The following ASIC5 variants were observed in gnomAD, a reference collection of about 807,000 sequenced individuals.
ASIC5 encodes the protein bile acid-sensitive ion channel.
Under a neutral mutation model 51.2 loss-of-function variants are expected in ASIC5, and 52 were observed. That is an observed-to-expected ratio of 1.02 (90% CI 0.81 to 1.28). ASIC5 has a LOEUF of 1.28. ASIC5 is among the 50% of genes most tolerant of loss of function. ASIC5 has a pLI of 0.00. For synonymous variants in ASIC5, 231 were observed against 200.7 expected (o/e 1.15, Z -1.28); for missense variants, 635 against 595.0 (o/e 1.07, Z -0.70).
chr4:155,844,922 T>C (rs756271815), intron 4 of ASIC5, among the ~76,000 whole-genome samples: 20 of 152,000 alleles, frequency 1.3e-4, no homozygotes, highest in Non-Finnish European at 2.1e-4. Flanking sequence ...CTGTGCCAGG[T>C]AGCTGCAACA....
At chr4:155,831,336 G>A (rs894222029) in intron 9 of ASIC5, among the ~76,000 whole-genome samples, 15 of 152,136 alleles carry the variant, frequency 9.9e-5, no homozygotes, top group Non-Finnish European at 1.8e-4. Context: ...GTCCATGTGA[G>A]GTTGTACAGT....
intron 3 of ASIC5, among the ~76,000 whole-genome samples, chr4:155,853,086 A>T (rs1340248657): frequency 6.6e-6 from 1 of 152,078 alleles, no homozygotes; most frequent in East Asian, 1.9e-4. Flanking sequence ...CCAATTCATT[A>T]CTTTTAGTCT....
chr4:155,860,310 C>T (rs1228580273), intron 2 of ASIC5, among the ~76,000 whole-genome samples: 2 of 151,584 alleles, frequency 1.3e-5, no homozygotes, highest in Non-Finnish European at 2.9e-5. Flanking sequence ...TTTTCACCTC[C>T]TAAAAATAAT....
At chr4:155,857,090 T>C (rs1741561520) in intron 2 of ASIC5, among the ~76,000 whole-genome samples, 1 of 152,090 alleles carries the variant, frequency 6.6e-6, no homozygotes, top group Admixed American at 6.6e-5. Flanking sequence ...TTGTTTTGCA[T>C]AAAACAAAAG....
At chr4:155,836,636 A>AT in intron 8 of ASIC5, 53 bp downstream of exon 8, 1 of 839,746 alleles carries the variant, frequency 1.2e-6, no homozygotes, top group Non-Finnish European at 1.7e-6. Context: ...TTTTCAATAA[A>AT]GAAAAAAAAA....
chr4:155,855,628 A>G (rs943478318), intron 2 of ASIC5, among the ~76,000 whole-genome samples: 17 of 151,440 alleles, frequency 1.1e-4, no homozygotes, highest in Non-Finnish European at 2.2e-4. Context: ...TGTGGTTTGT[A>G]TGTCATACCT....
At chr4:155,838,114 C>T (rs1741028830) in intron 7 of ASIC5, among the ~76,000 whole-genome samples, 1 of 152,122 alleles carries the variant, frequency 6.6e-6, no homozygotes, top group African/African-American at 2.4e-5. Context: ...AAATCTATTC[C>T]TGCTACCCTG....
rs1740833259 is a variant in ASIC5 at position 155,829,824 on chromosome 4, T to A, written c.*32A>T. ...AGTCAAGATAAATCTGAAGGTATCA[T>A]GAAAAGGAAACTATTTTATTCTAAG... On this transcript the variant is annotated 3_prime_UTR_variant, in exon 10 of 10. Coordinates refer to ENST00000537611, the MANE Select transcript of ASIC5 (RefSeq NM_017419.3). 1 of 1,377,584 alleles carries A rather than the reference T, an allele frequency of 7.3e-7. No individual in the cohort carries two copies. Among genetic ancestry groups the A allele is most frequent in the Non-Finnish European group, 9.7e-7 (1 of 1,025,658 alleles). The allele number at this position is 1,377,584 out of a possible 1,614,324, so 85.3% of individuals were successfully genotyped here. A position where few individuals can be genotyped will look rare whatever the true frequency, so the allele number is the denominator to read the frequency against.
chr4:155,838,997 C>T (rs1241492491), intron 6 of ASIC5, 128 bp from the exon 7 acceptor site: 1 of 581,940 alleles, frequency 1.7e-6, no homozygotes, highest in Non-Finnish European at 3.1e-6. Context: ...TCTATATGAA[C>T]ATCTATTCTT....
At chr4:155,846,628 C>T (rs1741249742) in intron 4 of ASIC5, among the ~76,000 whole-genome samples, 1 of 152,042 alleles carries the variant, frequency 6.6e-6, no homozygotes, top group South Asian at 2.1e-4. Flanking sequence ...TTTTTCACTG[C>T]CTCAGTTTTA....
chr4:155,835,593 T>A (rs1051340656), intron 8 of ASIC5, among the ~76,000 whole-genome samples: 1 of 152,166 alleles, frequency 6.6e-6, no homozygotes, highest in African/African-American at 2.4e-5. Context: ...CTCTTCTAAG[T>A]CATATTTAAA....
intron 4 of ASIC5, among the ~76,000 whole-genome samples, chr4:155,848,866 A>G (rs1741315860): frequency 6.6e-6 from 1 of 152,048 alleles, no homozygotes; most frequent in Non-Finnish European, 1.5e-5. Flanking sequence ...ATGTTTGCTG[A>G]TCCTTTGTTT....
At chr4:155,850,951 G>T (rs182289084) in intron 4 of ASIC5, among the ~76,000 whole-genome samples, 2 of 151,854 alleles carry the variant, frequency 1.3e-5, no homozygotes, top group East Asian at 3.9e-4. Context: ...AAAGAATATC[G>T]TCTATGAATG....
At chr4:155,861,155 T>G (rs1741693379) in intron 2 of ASIC5, among the ~76,000 whole-genome samples, 1 of 152,014 alleles carries the variant, frequency 6.6e-6, no homozygotes, top group African/African-American at 2.4e-5. Context: ...TACTTTACCT[T>G]GTATATGGCC....
chr4:155,849,150 T>C (rs1273104689), intron 4 of ASIC5, among the ~76,000 whole-genome samples: 1 of 152,092 alleles, frequency 6.6e-6, no homozygotes, highest in African/African-American at 2.4e-5. Context: ...ACTTGGCTTA[T>C]GAAACCAATA....
intron 2 of ASIC5, 100 bp from the exon 3 acceptor site, chr4:155,854,414 C>CAA: frequency 1.2e-6 from 1 of 843,174 alleles, no homozygotes; most frequent in Non-Finnish European, 1.9e-6. Context: ...CTTCTTATCT[C>CAA]CCACACTCTC....
At chr4:155,830,102 T>C in intron 9 of ASIC5, 56 bp from the exon 10 acceptor site, 1 of 1,275,348 alleles carries the variant, frequency 7.8e-7, no homozygotes, top group South Asian at 1.6e-5. Flanking sequence ...AAACAAATAT[T>C]ATTAGAAGTT....
At chr4:155,836,623 G>C (rs536816906) in intron 8 of ASIC5, 66 bp downstream of exon 8, 1 of 927,884 alleles carries the variant, frequency 1.1e-6, no homozygotes, top group East Asian at 2.6e-5. Flanking sequence ...GAGTCTTTGA[G>C]GGTTTTCAAT....
chr4:155,836,886 AGAG>A, intron 7 of ASIC5, 29 bp from the exon 8 acceptor site: 1 of 1,502,760 alleles, frequency 6.7e-7, no homozygotes, highest in Non-Finnish European at 9.1e-7. Flanking sequence ...CAGGGAATTC[AGAG>A]AAGAGAAATA....
Sources: gnomAD v4.1 joint callset for allele counts (sites outside exome capture counted in the v4.1 genomes callset) on GRCh38, gnomAD v4.1.1 for gene constraint, MANE v1.5 for transcripts, NCBI Gene and HGNC (gene_info 2026-07-23, HGNC 2026-07-21) for gene names.